The following WDR59 variants were observed in gnomAD, a reference collection of about 807,000 sequenced individuals.
WDR59 encodes the protein WD repeat domain 59.
A neutral mutation model predicts 131.2 loss-of-function variants in WDR59; 100 were observed. That is an observed-to-expected ratio of 0.76 (90% CI 0.65 to 0.90). The LOEUF (loss-of-function observed/expected upper bound fraction) is 0.90, where lower values mean the gene tolerates loss of function less well. WDR59 is among the 40% of genes least tolerant of loss of function. WDR59 has a pLI of 0.00. For missense variants in WDR59, 1,203 were observed against 1,262.2 expected (o/e 0.95, Z 0.71); for synonymous variants, 601 against 466.2 (o/e 1.29, Z -3.72).
At chr16:74,973,006 G>T (rs542756572) in intron 1 of WDR59, among the ~76,000 whole-genome samples, 1 of 151,708 alleles carries the variant, frequency 6.6e-6, no homozygotes, top group African/African-American at 2.4e-5. Context: ...GCCGAGGCGG[G>T]CAGATCACCT....
At chr16:74,893,048 C>T (rs751609412) in intron 19 of WDR59, among the ~76,000 whole-genome samples, 1 of 152,200 alleles carries the variant, frequency 6.6e-6, no homozygotes, top group African/African-American at 2.4e-5. Flanking sequence ...CTCTCACTTC[C>T]ATCCAAACAA....
In WDR59 at chr16:74,930,171, A is replaced by C. The variant is rs543604541; in HGVS notation, c.652-6168T>G. 3.3e-5 allele frequency among the ~76,000 whole-genome samples: 5 copies of C among 152,332 alleles called. No individual in the cohort carries two copies. In the East Asian group the frequency reaches 9.6e-4, roughly 29 times the overall value. On this transcript the variant is annotated intron_variant, in intron 8 of 25. Transcript: ENST00000262144. The stretch of plus-strand genomic sequence containing the variant: ...TATAGTCAGTAATAATTTATTGTAC[A>C]TTTAAGAACAACTGAAAGGGTATGA...
chr16:74,942,902 C>G (rs963425467), intron 6 of WDR59, 76 bp from the exon 7 acceptor site: 9 of 1,342,030 alleles, frequency 6.7e-6, no homozygotes, highest in Non-Finnish European at 9.4e-6. Context: ...GCCAGGGGAG[C>G]TGGATAATGA....
At chr16:74,887,849 G>T in intron 22 of WDR59, 94 bp from the exon 23 acceptor site, 1 of 1,276,826 alleles carries the variant, frequency 7.8e-7, no homozygotes, top group Non-Finnish European at 1.1e-6. Flanking sequence ...CAAGCACGGT[G>T]GCTCATGCCT....
chr16:74,948,891 G>A (rs949453836), intron 5 of WDR59, among the ~76,000 whole-genome samples: 7 of 152,010 alleles, frequency 4.6e-5, no homozygotes, highest in Admixed American at 6.6e-5. Flanking sequence ...CCAGCTACTC[G>A]GGAGACTGAG....
rs767868265 is a variant in WDR59, at chr16:74,951,542, C to T, written c.242G>A (p.Ser81Asn). ...DSFAHYFAAS[S>N]NQRVDLYKWK... The stretch of plus-strand genomic sequence containing the variant: ...CTTGTAAAGGTCTACTCGTTGGTTA[C>T]TCTGAAAAGAAAGGAAAGAAGGCCA... The change falls in exon 4 of 26, where the codon AGT (serine) becomes AAT (asparagine). Residue 81 changes from serine (S) to asparagine (N), a missense_variant and splice_region_variant. Coordinates refer to ENST00000262144, the MANE Select transcript of WDR59 (RefSeq NM_030581.4). The T allele has an allele frequency of 1.9e-6, 3 of 1,589,238 alleles. No individual in the cohort carries two copies. In the African/African-American group the frequency reaches 4.0e-5, roughly 21 times the overall value.
At chr16:74,983,856 G>A (rs1010332568) in intron 1 of WDR59, among the ~76,000 whole-genome samples, 28 of 149,656 alleles carry the variant, frequency 1.9e-4, no homozygotes, top group African/African-American at 6.0e-4. Context: ...GCATGCGCCT[G>A]TAGTCTCAGC....
At chr16:74,948,687 G>A in intron 5 of WDR59, 131 bp from the exon 6 acceptor site, 1 of 768,716 alleles carries the variant, frequency 1.3e-6, no homozygotes, top group South Asian at 1.6e-5. Context: ...CCGCTGTGAG[G>A]GCCTTAAAAA....
intron 1 of WDR59, among the ~76,000 whole-genome samples, chr16:74,969,263 T>C (rs2033888434): frequency 6.6e-6 from 1 of 152,158 alleles, no homozygotes. Context: ...TAAATATATA[T>C]ATATTATACA....
intron 14 of WDR59, among the ~76,000 whole-genome samples, chr16:74,910,170 G>A (rs1296912995): frequency 1.3e-5 from 2 of 151,998 alleles, no homozygotes; most frequent in South Asian, 4.2e-4. Context: ...GTTTCACCAT[G>A]TTGGCCAGGC....
At chr16:74,903,816 T>C in intron 18 of WDR59, 131 bp downstream of exon 18, 1 of 1,200,476 alleles carries the variant, frequency 8.3e-7, no homozygotes, top group Non-Finnish European at 1.1e-6. Flanking sequence ...AATGACTTTC[T>C]TGAACAAACT....
At chr16:74,972,720 C>T (rs1340005812) in intron 1 of WDR59, among the ~76,000 whole-genome samples, 1 of 145,502 alleles carries the variant, frequency 6.9e-6, no homozygotes, top group Non-Finnish European at 1.5e-5. Flanking sequence ...ACTCAGGAGG[C>T]TGAGGCACAA....
intron 2 of WDR59, among the ~76,000 whole-genome samples, chr16:74,961,139 C>G (rs1202570249): frequency 1.5e-5 from 2 of 134,588 alleles, no homozygotes; most frequent in Non-Finnish European, 3.3e-5. Flanking sequence ...GACCCTGTCT[C>G]TACAAAAAAA....
chr16:74,903,215 T>C (rs1213509035), intron 18 of WDR59, among the ~76,000 whole-genome samples: 2 of 152,180 alleles, frequency 1.3e-5, no homozygotes, highest in Admixed American at 6.5e-5. Context: ...AACAAAGAAT[T>C]CCTAAGGACT....
chr16:74,909,631 G>A lies in WDR59; in HGVS notation c.1512C>T (p.Asn504=), dbSNP rs533464867. 1.9e-6 allele frequency: 3 copies of A among 1,587,572 alleles called. No individual in the cohort carries two copies. Among genetic ancestry groups the A allele is most frequent in the African/African-American group, 2.7e-5 (2 of 73,482 alleles). Residue 504 remains asparagine, a synonymous_variant, in exon 16 of 26, where the codon AAC becomes AAT. Coordinates refer to ENST00000262144, the MANE Select transcript of WDR59 (RefSeq NM_030581.4). ...TGACAGAGTTGGGGAGTGCAAACGG[G>A]TTGCTGGAAGCGCTGTCTTCCTGGT... ...FVNQEDSASS[N]PFALPNSVTP...
chr16:74,951,160 A>C (rs1216171079), intron 4 of WDR59, among the ~76,000 whole-genome samples: 2 of 36,680 alleles, frequency 5.5e-5, no homozygotes, highest in Non-Finnish European at 9.5e-5. Context: ...ACTTCGTCTC[A>C]AAAAAAAAAA....
chr16:74,982,700 C>T (rs548978943), intron 1 of WDR59, among the ~76,000 whole-genome samples: 1 of 152,294 alleles, frequency 6.6e-6, no homozygotes, highest in Middle Eastern at 3.4e-3. Context: ...GAGTCTGGCG[C>T]CTCCCTAGGG....
rs1485861440 is a variant in WDR59, at chr16:74,885,676, G to A, written c.2666C>T (p.Pro889Leu). 1.2e-6 allele frequency: 2 copies of A among 1,614,006 alleles called. No individual in the cohort carries two copies. Among genetic ancestry groups the A allele is most frequent in the Admixed American group, 1.7e-5 (1 of 59,990 alleles). The part of the protein sequence containing the change: ...RAEVLKFVSC[P>L]PDPHKGIEFG... ...ACCGATCCCTTTGTGAGGGTCAGGAGGACAGGAGACAAACTTCAACACTTC... is the reference window on the plus strand; with the variant it reads ...ACCGATCCCTTTGTGAGGGTCAGGAAGACAGGAGACAAACTTCAACACTTC... The change falls in exon 25 of 26, where the codon CCT becomes CTT. Residue 889 changes from proline to leucine, a missense_variant. Coordinates refer to ENST00000262144, the MANE Select transcript of WDR59 (RefSeq NM_030581.4).
intron 21 of WDR59, 111 bp downstream of exon 21, chr16:74,889,592 C>A: frequency 2.6e-6 from 2 of 781,520 alleles, no homozygotes; most frequent in Non-Finnish European, 4.2e-6. Context: ...CTACTCCTTC[C>A]TTTCATTCCT....
Sources: allele counts gnomAD v4.1 joint callset (sites outside exome capture counted in the v4.1 genomes callset), GRCh38; gene constraint gnomAD v4.1.1; transcripts MANE v1.5; gene names NCBI Gene and HGNC (gene_info 2026-07-23, HGNC 2026-07-21).